CDH13: variants seen among roughly 807,000 people sequenced by gnomAD.
CDH13 encodes the protein cadherin 13.
Under a neutral mutation model 63.8 loss-of-function variants are expected in CDH13, and 24 were observed. The ratio of observed to expected loss-of-function variants is 0.38; its 90% CI spans 0.27 to 0.53. CDH13 has a LOEUF of 0.53. Ranked by LOEUF, CDH13 falls within the 20% of genes least tolerant of loss-of-function variation. CDH13 has a pLI of 0.85. For synonymous variants in CDH13, 503 were observed against 355.3 expected, an observed-to-expected ratio of 1.42 and a Z score of -4.67; for missense variants, 1,049 against 903.1, an observed-to-expected ratio of 1.16 and a Z score of -2.07.
chr16:83,446,324 AG>A (rs2072688533), intron 6 of CDH13, among the ~76,000 whole-genome samples: 1 of 151,812 alleles, frequency 6.6e-6, no homozygotes, highest in Non-Finnish European at 1.5e-5. Flanking sequence ...AAAGAAAGAA[AG>A]AAAAAAGAAA....
intron 2 of CDH13, among the ~76,000 whole-genome samples, chr16:82,976,473 C>T (rs1002473946): frequency 6.6e-6 from 1 of 152,186 alleles, no homozygotes; most frequent in Non-Finnish European, 1.5e-5. Flanking sequence ...ATCTTAGATG[C>T]TTTTCCAGTT....
At chr16:83,090,407 C>A (rs1264450220) in intron 3 of CDH13, among the ~76,000 whole-genome samples, 1 of 151,956 alleles carries the variant, frequency 6.6e-6, no homozygotes, top group Non-Finnish European at 1.5e-5. Context: ...GACCCTGTCT[C>A]TACTAAAAAT....
At chr16:83,456,244 A>AT (rs2073021720) in intron 6 of CDH13, among the ~76,000 whole-genome samples, 1 of 152,224 alleles carries the variant, frequency 6.6e-6, no homozygotes, top group Non-Finnish European at 1.5e-5. Flanking sequence ...GGATGTCGGG[A>AT]TGTGGCAGTT....
chr16:83,694,058 A>G (rs1177394405), intron 10 of CDH13, among the ~76,000 whole-genome samples: 5 of 152,218 alleles, frequency 3.3e-5, no homozygotes, highest in Non-Finnish European at 5.9e-5. Context: ...AGCATGGGCT[A>G]TGTTAGGTGG....
At chr16:83,425,253 T>A (rs1165154267) in intron 6 of CDH13, among the ~76,000 whole-genome samples, 1 of 152,234 alleles carries the variant, frequency 6.6e-6, no homozygotes, top group Non-Finnish European at 1.5e-5. Flanking sequence ...GGGAATTAAA[T>A]GGGACCCAAT....
chr16:83,135,023 G>A (rs1210866571), intron 4 of CDH13, among the ~76,000 whole-genome samples: 1 of 152,118 alleles, frequency 6.6e-6, no homozygotes, highest in Non-Finnish European at 1.5e-5. Flanking sequence ...AACATTCAAG[G>A]ACCAGGCATT....
chr16:82,963,327 C>G (rs1247639912), intron 2 of CDH13, among the ~76,000 whole-genome samples: 1 of 152,094 alleles, frequency 6.6e-6, no homozygotes, highest in Non-Finnish European at 1.5e-5. Context: ...TGTGGTGGAC[C>G]AAGAATGCAC....
intron 2 of CDH13, among the ~76,000 whole-genome samples, chr16:83,009,090 A>C (rs1302708863): frequency 6.6e-6 from 1 of 152,220 alleles, no homozygotes; most frequent in South Asian, 2.1e-4. Flanking sequence ...TTTCTACCCC[A>C]TGTGGGGATT....
chr16:82,904,933 C>T (rs933906321), intron 2 of CDH13, among the ~76,000 whole-genome samples: 2 of 152,124 alleles, frequency 1.3e-5, no homozygotes, highest in African/African-American at 4.8e-5. Context: ...AGTGCAGTTT[C>T]TCCCTAAATG....
chr16:83,299,388 A>G (rs748262678), intron 5 of CDH13, among the ~76,000 whole-genome samples: 44 of 152,114 alleles, frequency 2.9e-4, no homozygotes, highest in Non-Finnish European at 1.8e-4. Flanking sequence ...TCATGTCACA[A>G]ATCAGTAGGT....
intron 2 of CDH13, among the ~76,000 whole-genome samples, chr16:82,889,083 G>A (rs970640902): frequency 2.6e-5 from 4 of 152,192 alleles, no homozygotes; most frequent in African/African-American, 7.2e-5. Flanking sequence ...TAATGAATGA[G>A]AGTCACTCTT....
At chr16:83,218,938 A>G (rs1337339910) in intron 5 of CDH13, among the ~76,000 whole-genome samples, 3 of 152,152 alleles carry the variant, frequency 2.0e-5, no homozygotes, top group African/African-American at 7.2e-5. Flanking sequence ...CCCACCGTGT[A>G]AGAAGTCCCC....
chr16:83,531,548 C>T (rs1406430464), intron 7 of CDH13, among the ~76,000 whole-genome samples: 3 of 152,204 alleles, frequency 2.0e-5, no homozygotes, highest in Non-Finnish European at 4.4e-5. Context: ...ATGCCTTTCA[C>T]TTTCCACCAT....
At position 83,476,005 on chromosome 16, in the gene CDH13, G is replaced by C. The variant is rs377294342; in HGVS notation, c.782-10472G>C. Among the ~76,000 whole-genome samples, 217 of 152,306 alleles carry C rather than the reference G, an allele frequency of 1.4e-3. 1 individual carries two copies. Among genetic ancestry groups the C allele is most frequent in the African/African-American group, 5.0e-3 (209 of 41,580 alleles). ...AGGAGTTCATTAATATTTAGTGTCAGTTAAGTATCAATTATTTACCTGCTT... is the reference window on the plus strand; with the variant it reads ...AGGAGTTCATTAATATTTAGTGTCACTTAAGTATCAATTATTTACCTGCTT... On this transcript the variant is annotated intron_variant, in intron 6 of 13. Coordinates refer to ENST00000567109, the MANE Select transcript of CDH13 (RefSeq NM_001257.5).
chr16:82,792,132 C>G (rs142905613), intron 1 of CDH13, among the ~76,000 whole-genome samples: 7 of 152,234 alleles, frequency 4.6e-5, no homozygotes, highest in Non-Finnish European at 7.4e-5. Flanking sequence ...CATAAACCAT[C>G]CATCTCTGAG....
intron 5 of CDH13, among the ~76,000 whole-genome samples, chr16:83,278,053 G>A (rs1302561967): frequency 1.3e-5 from 2 of 152,128 alleles, no homozygotes; most frequent in African/African-American, 4.8e-5. Context: ...TCTCCAAGAA[G>A]GCCAAGGTGT....
intron 2 of CDH13, among the ~76,000 whole-genome samples, chr16:82,988,855 GGTGT>G (rs1911299534): frequency 1.3e-5 from 2 of 152,042 alleles, no homozygotes; most frequent in South Asian, 2.1e-4. Flanking sequence ...CAAGGTAGGA[GGTGT>G]TCTGTGGGTG....
chr16:83,258,735 C>A (rs1004749727), intron 5 of CDH13, among the ~76,000 whole-genome samples: 1 of 152,132 alleles, frequency 6.6e-6, no homozygotes, highest in African/African-American at 2.4e-5. Flanking sequence ...TTTGTATGTG[C>A]GCGTTGTGGT....
chr16:83,014,828 T>TTGTATATATA (rs569336696), intron 2 of CDH13, among the ~76,000 whole-genome samples: 52,782 of 87,324 alleles, frequency 0.6, 15,793 homozygotes, highest in South Asian at 0.77. Flanking sequence ...ATATATATAT[T>TTGTATATATA]TGTATATATA....
Sources: gnomAD v4.1 joint callset for allele counts (sites outside exome capture counted in the v4.1 genomes callset) on GRCh38, gnomAD v4.1.1 for gene constraint, MANE v1.5 for transcripts, NCBI Gene and HGNC (gene_info 2026-07-23, HGNC 2026-07-21) for gene names.